The following RANBP2 variants were observed in gnomAD, a reference collection of about 807,000 sequenced individuals.
RANBP2 encodes RAN binding protein 2.
A neutral mutation model predicts 303.6 loss-of-function variants in RANBP2; 57 were observed. The ratio of observed to expected loss-of-function variants is 0.19; its 90% confidence interval spans 0.15 to 0.23. The LOEUF (loss-of-function observed/expected upper bound fraction) is 0.23. RANBP2 is among the 10% of genes least tolerant of loss of function. RANBP2 has a pLI of 1.00. For missense variants in RANBP2, 3,138 were observed against 3,780.8 expected, an observed-to-expected ratio of 0.83 and a Z score of 4.46; for synonymous variants, 1,167 against 1,301.5, an observed-to-expected ratio of 0.90 and a Z score of 2.23.
chr2:109,369,575 G>A, the RANBP2 span, among the ~76,000 whole-genome samples: 35 of 152,264 alleles, frequency 2.3e-4, no homozygotes, highest in African/African-American at 7.9e-4. Flanking sequence ...GAAGCTGGGG[G>A]TTGGGGGAGA....
chr2:108,839,040 A>G, the RANBP2 span: 3 of 799,156 alleles, frequency 3.8e-6, no homozygotes, highest in Admixed American at 3.2e-5. Flanking sequence ...TGTATTGCAT[A>G]TAGTTTTAAA....
the RANBP2 span, chr2:109,544,523 G>A: frequency 1.0e-6 from 1 of 984,968 alleles, no homozygotes; most frequent in South Asian, 4.7e-5. Context: ...GCTTGGTCCT[G>A]ATTTTGCAAA....
the RANBP2 span, among the ~76,000 whole-genome samples, chr2:108,956,797 T>C: frequency 7.3e-5 from 11 of 151,396 alleles, no homozygotes; most frequent in Admixed American, 2.0e-4. Flanking sequence ...TTTTTTTTTG[T>C]TTTTTTTGAG....
At chr2:109,582,075 GACACACACAC>G in the RANBP2 span, among the ~76,000 whole-genome samples, 15,236 of 143,706 alleles carry the variant, frequency 0.11, 873 homozygotes, top group African/African-American at 0.17. Context: ...ATGTACAACA[GACACACACAC>G]ACACACACAC....
the RANBP2 span, chr2:109,564,563 A>C: frequency 4.1e-6 from 6 of 1,453,738 alleles, no homozygotes; most frequent in Non-Finnish European, 5.5e-6. Context: ...GAAAAGAACA[A>C]CACTGGATTT....
chr2:109,049,588 A>T, the RANBP2 span, among the ~76,000 whole-genome samples: 4 of 152,222 alleles, frequency 2.6e-5, no homozygotes, highest in African/African-American at 9.6e-5. Flanking sequence ...GTATCCAAGG[A>T]CAGAGGTGGG....
At chr2:109,149,912 T>C in the RANBP2 span, among the ~76,000 whole-genome samples, 1 of 152,360 alleles carries the variant, frequency 6.6e-6, no homozygotes, top group South Asian at 2.1e-4. Context: ...GAAATCACTT[T>C]TTAATTGCAG....
At chr2:109,493,140 T>C in the RANBP2 span, among the ~76,000 whole-genome samples, 1 of 136,584 alleles carries the variant, frequency 7.3e-6, no homozygotes, top group Non-Finnish European at 1.6e-5. Flanking sequence ...ATACCCCACA[T>C]ACATCATACA....
At chr2:108,789,170 C>G (rs1573895577), downstream of RANBP2, among the ~76,000 whole-genome samples, 1 of 152,078 alleles carries the variant, frequency 6.6e-6, no homozygotes, top group East Asian at 1.9e-4. Flanking sequence ...ATAGACCTAG[C>G]ATTATATTTA....
chr2:109,306,150 ACACGTCG>A, the RANBP2 span, among the ~76,000 whole-genome samples: 1 of 152,356 alleles, frequency 6.6e-6, no homozygotes, highest in East Asian at 1.9e-4. Flanking sequence ...AACATTGTCA[ACACGTCG>A]CTTATAGAGA....
the RANBP2 span, among the ~76,000 whole-genome samples, chr2:108,853,252 A>G: frequency 3.9e-5 from 6 of 152,170 alleles, no homozygotes; most frequent in African/African-American, 1.4e-4. Flanking sequence ...TGCAATAACT[A>G]TGAGGTAGGT....
intron 6 of RANBP2, among the ~76,000 whole-genome samples, chr2:108,738,840 G>C (rs1293394982): frequency 6.6e-6 from 1 of 150,834 alleles, no homozygotes; most frequent in African/African-American, 2.4e-5. Flanking sequence ...ATGTTGGCAA[G>C]GCTGGTCTTG....
At chr2:108,728,372 C>T (rs1694897724) in intron 1 of RANBP2, among the ~76,000 whole-genome samples, 1 of 152,174 alleles carries the variant, frequency 6.6e-6, no homozygotes, top group Non-Finnish European at 1.5e-5. Context: ...TAACTCACGG[C>T]AGTGTCAACC....
chr2:109,379,876 G>A, the RANBP2 span, among the ~76,000 whole-genome samples: 1 of 152,176 alleles, frequency 6.6e-6, no homozygotes, highest in Non-Finnish European at 1.5e-5. Flanking sequence ...CTCCTGGAGT[G>A]TGATGTTGTG....
At chr2:109,619,700 G>A in the RANBP2 span, among the ~76,000 whole-genome samples, 195 of 152,290 alleles carry the variant, frequency 1.3e-3, no homozygotes, top group African/African-American at 4.5e-3. Context: ...TTCCTTAGAA[G>A]TACATGTCTT....
chr2:109,599,613 A>T, the RANBP2 span, among the ~76,000 whole-genome samples: 1 of 152,172 alleles, frequency 6.6e-6, no homozygotes, highest in Non-Finnish European at 1.5e-5. Context: ...CCAGCAAAAT[A>T]GCACCTCCAT....
the RANBP2 span, among the ~76,000 whole-genome samples, chr2:109,123,241 G>A: frequency 6.6e-6 from 1 of 152,112 alleles, no homozygotes; most frequent in African/African-American, 2.4e-5. Flanking sequence ...GGTGCCCTGA[G>A]CTCTCACCAC....
Position 108,766,038 on chromosome 2 carries a change from T to G in RANBP2, c.5499T>G (p.Ser1833=). ...CAGAAATGAAGTTGCATGACTCTTC[T>G]GGAAGTCAGGTGGGAACAGGATTTA... ...LGSEMKLHDS[S]GSQVGTGFKS... The change falls in exon 20 of 29, where the codon TCT becomes TCG. Residue 1833 remains serine (S), a synonymous_variant. Transcript: ENST00000283195. The G allele has an allele frequency of 6.2e-7, 1 of 1,614,176 alleles. No individual in the cohort carries two copies. The highest frequency in any genetic ancestry group is 1.6e-4 in the Middle Eastern group (1 of 6,062).
chr2:109,040,969 T>C, the RANBP2 span, among the ~76,000 whole-genome samples: 7 of 152,094 alleles, frequency 4.6e-5, no homozygotes, highest in African/African-American at 7.2e-5. Flanking sequence ...GGCAGGAGAA[T>C]GGCGTGGACC....
Sources: gnomAD v4.1 joint callset for allele counts (sites outside exome capture counted in the v4.1 genomes callset) on GRCh38, gnomAD v4.1.1 for gene constraint, MANE v1.5 for transcripts, NCBI Gene and HGNC (gene_info 2026-07-23, HGNC 2026-07-21) for gene names.